The following KCNQ5 variants were observed in gnomAD, a reference collection of about 807,000 sequenced individuals.
KCNQ5 encodes the protein potassium voltage-gated channel subfamily KQT member 5.
A neutral mutation model predicts 98.2 loss-of-function variants in KCNQ5; 30 were observed. The ratio of observed to expected loss-of-function variants is 0.31; its 90% confidence interval spans 0.23 to 0.41. The LOEUF is 0.41. Ranked by LOEUF, KCNQ5 falls within the 10% of genes least tolerant of loss-of-function variation. KCNQ5 has a pLI of 1.00. For synonymous variants in KCNQ5, 458 were observed against 449.4 expected, an observed-to-expected ratio of 1.02 and a Z score of -0.24; for missense variants, 835 against 1,182.5, an observed-to-expected ratio of 0.71 and a Z score of 4.31.
intron 1 of KCNQ5, among the ~76,000 whole-genome samples, chr6:72,650,449 T>C (rs1210256023): frequency 6.6e-6 from 1 of 152,134 alleles, no homozygotes; most frequent in Non-Finnish European, 1.5e-5. Context: ...TATATAGCTA[T>C]GTAAAAAAGA....
intron 1 of KCNQ5, among the ~76,000 whole-genome samples, chr6:72,838,949 CAAAAAAA>C (rs67894922): frequency 1.7e-5 from 1 of 58,712 alleles, no homozygotes; most frequent in African/African-American, 6.3e-5. Flanking sequence ...GACTCCGTCT[CAAAAAAA>C]AAAAAAAAAA....
At chr6:72,726,062 A>G (rs1005272753) in intron 1 of KCNQ5, among the ~76,000 whole-genome samples, 5 of 151,822 alleles carry the variant, frequency 3.3e-5, no homozygotes, top group Non-Finnish European at 7.4e-5. Flanking sequence ...TTATGTATAA[A>G]CATCCTCATC....
intron 5 of KCNQ5, among the ~76,000 whole-genome samples, chr6:73,094,602 G>C (rs527963090): frequency 6.6e-6 from 1 of 152,284 alleles, no homozygotes; most frequent in South Asian, 2.1e-4. Flanking sequence ...AGCAGTTCTT[G>C]TAGTGGTGGC....
intron 1 of KCNQ5, among the ~76,000 whole-genome samples, chr6:72,725,131 A>AT (rs1306402645): frequency 6.6e-6 from 1 of 152,184 alleles, no homozygotes; most frequent in African/African-American, 2.4e-5. Context: ...TGTGGTTTCT[A>AT]TAAAAAAAAT....
intron 1 of KCNQ5, among the ~76,000 whole-genome samples, chr6:72,845,009 T>G (rs1267663397): frequency 6.6e-6 from 1 of 152,210 alleles, no homozygotes; most frequent in East Asian, 1.9e-4. Context: ...AAACTATAAT[T>G]GCAACTGCCA....
At chr6:73,150,158 A>C (rs1204408032) in intron 10 of KCNQ5, among the ~76,000 whole-genome samples, 1 of 152,086 alleles carries the variant, frequency 6.6e-6, no homozygotes, top group Non-Finnish European at 1.5e-5. Flanking sequence ...ACTACAGGAG[A>C]TATCACTACA....
rs927799318 is a variant in KCNQ5, at chr6:72,736,996, C to T, written c.398+114409C>T. On this transcript the variant is annotated intron_variant, in intron 1 of 13. Coordinates refer to ENST00000370398, the MANE Select transcript of KCNQ5 (RefSeq NM_019842.4). ...TTTTGAGATGGAGTCTCACTCACTG[C>T]GTCGCCCAGGCTGGGGAACAGTGGC... is the stretch of plus-strand genomic sequence containing the variant. 9.5e-4 allele frequency among the ~76,000 whole-genome samples: 143 copies of T among 150,900 alleles called. 1 individual carries two copies. The highest frequency in any genetic ancestry group is 3.3e-3 in the African/African-American group (135 of 41,102).
chr6:73,150,010 A>AGG (rs1562207502), intron 10 of KCNQ5, among the ~76,000 whole-genome samples: 2 of 149,966 alleles, frequency 1.3e-5, no homozygotes, highest in African/African-American at 5.1e-5. Flanking sequence ...CACAGGGGAA[A>AGG]AAAAAAAAAA....
At chr6:72,686,123 C>G (rs1320585520) in intron 1 of KCNQ5, among the ~76,000 whole-genome samples, 6 of 152,202 alleles carry the variant, frequency 3.9e-5, no homozygotes, top group Admixed American at 1.3e-4. Flanking sequence ...GTCTCACCTC[C>G]TAATAATATC....
At chr6:73,045,374 A>T (rs139503862) in intron 3 of KCNQ5, among the ~76,000 whole-genome samples, 1 of 152,206 alleles carries the variant, frequency 6.6e-6, no homozygotes, top group South Asian at 2.1e-4. Context: ...TTTGAAAATT[A>T]GTAAAATCTT....
intron 6 of KCNQ5, among the ~76,000 whole-genome samples, chr6:73,110,917 C>G (rs1354872999): frequency 2.0e-5 from 3 of 152,148 alleles, no homozygotes; most frequent in African/African-American, 7.2e-5. Flanking sequence ...TTCATGTTCT[C>G]TACATTCCAT....
chr6:72,681,612 C>A lies in KCNQ5; in HGVS notation c.398+59025C>A, dbSNP rs912299880. On this transcript the variant is annotated intron_variant, in intron 1 of 13. Transcript: ENST00000370398. ...ATTGATGATAATATGACTTATGTGG[C>A]CCAAAAGATGCAGCCTCTGCATGCA... is the stretch of plus-strand genomic sequence containing the variant. Among the ~76,000 whole-genome samples, 12 of 152,248 alleles carry A rather than the reference C, an allele frequency of 7.9e-5. No individual in the cohort carries two copies. In the South Asian group the frequency reaches 1.2e-3, roughly 16 times the overall value.
intron 1 of KCNQ5, among the ~76,000 whole-genome samples, chr6:72,854,197 A>T (rs1276616584): frequency 5.9e-5 from 9 of 152,194 alleles, no homozygotes; most frequent in Admixed American, 2.0e-4. Context: ...GTAGAAAAGC[A>T]TGCTTTTAGT....
intron 1 of KCNQ5, among the ~76,000 whole-genome samples, chr6:72,673,931 C>T (rs1447369836): frequency 6.6e-6 from 1 of 152,178 alleles, no homozygotes; most frequent in East Asian, 1.9e-4. Context: ...AGAAGTTCTC[C>T]ACTTCAACTG....
intron 1 of KCNQ5, among the ~76,000 whole-genome samples, chr6:72,853,485 A>G (rs1419707978): frequency 6.6e-6 from 1 of 152,104 alleles, no homozygotes; most frequent in Non-Finnish European, 1.5e-5. Flanking sequence ...CTGGGACTAC[A>G]GGCACGTGCC....
At chr6:72,736,502 C>CT (rs752921476) in intron 1 of KCNQ5, among the ~76,000 whole-genome samples, 17,174 of 120,958 alleles carry the variant, frequency 0.14, 1,792 homozygotes, top group Middle Eastern at 0.21. Flanking sequence ...AAAAAGATTT[C>CT]TTTTTTTTTT....
At chr6:73,187,090 T>A (rs1042227385) in intron 11 of KCNQ5, among the ~76,000 whole-genome samples, 1 of 151,246 alleles carries the variant, frequency 6.6e-6, no homozygotes, top group African/African-American at 2.4e-5. Flanking sequence ...GACGGAGTCT[T>A]GCTCTGTCGC....
At chr6:72,760,886 T>C (rs1365145156) in intron 1 of KCNQ5, among the ~76,000 whole-genome samples, 1 of 152,192 alleles carries the variant, frequency 6.6e-6, no homozygotes, top group East Asian at 1.9e-4. Context: ...TACCACCTTC[T>C]TTCACATTCT....
chr6:72,755,195 A>C (rs954715522), intron 1 of KCNQ5, among the ~76,000 whole-genome samples: 1 of 151,790 alleles, frequency 6.6e-6, no homozygotes, highest in Non-Finnish European at 1.5e-5. Context: ...ATATTTTTTC[A>C]TCCTTTAATT....
Sources: gnomAD v4.1 joint callset for allele counts (sites outside exome capture counted in the v4.1 genomes callset) on GRCh38, gnomAD v4.1.1 for gene constraint, MANE v1.5 for transcripts, NCBI Gene and HGNC (gene_info 2026-07-23, HGNC 2026-07-21) for gene names.